The following ME3 variants were observed in gnomAD, a reference collection of about 807,000 sequenced individuals.
The protein encoded by ME3 is NADP-dependent malic enzyme, mitochondrial.
ME3 carries 48 observed loss-of-function variants against 68.9 expected under a neutral mutation model. The ratio of observed to expected loss-of-function variants is 0.70; its 90% CI spans 0.55 to 0.89. The LOEUF (loss-of-function observed/expected upper bound fraction) is 0.89, where lower values mean the gene tolerates loss of function less well. Ranked by LOEUF, ME3 falls within the 40% of genes least tolerant of loss-of-function variation. The pLI, the probability that ME3 is intolerant of heterozygous loss-of-function variation, is 0.00. For missense variants in ME3, 675 were observed against 797.4 expected (o/e 0.85, Z 1.85); for synonymous variants, 320 against 318.8 (o/e 1.00, Z -0.04).
At chr11:86,460,514 G>C (rs536011503) in intron 8 of ME3, among the ~76,000 whole-genome samples, 1 of 152,332 alleles carries the variant, frequency 6.6e-6, no homozygotes, top group Admixed American at 6.5e-5. Flanking sequence ...TGTGAGGCTA[G>C]GCTGGTGTTC....
intron 13 of ME3, among the ~76,000 whole-genome samples, chr11:86,445,887 T>C (rs1949258081): frequency 6.6e-6 from 1 of 151,718 alleles, no homozygotes; most frequent in African/African-American, 2.4e-5. Context: ...AAAGCTGTCC[T>C]AGTGGGGCTT....
At chr11:86,456,434 G>T (rs1949930215) in intron 8 of ME3, among the ~76,000 whole-genome samples, 2 of 152,134 alleles carry the variant, frequency 1.3e-5, no homozygotes, top group Admixed American at 6.5e-5. Context: ...GATGGGGATT[G>T]GAGATCATGG....
At chr11:86,646,085 G>A (rs1203457565) in intron 2 of ME3, among the ~76,000 whole-genome samples, 2 of 152,146 alleles carry the variant, frequency 1.3e-5, no homozygotes, top group East Asian at 1.9e-4. Flanking sequence ...ACAAATCCAC[G>A]AAGATGAGGA....
chr11:86,541,563 C>T (rs1956051796), intron 4 of ME3, among the ~76,000 whole-genome samples: 2 of 152,196 alleles, frequency 1.3e-5, no homozygotes, highest in South Asian at 4.1e-4. Flanking sequence ...CACTACAGTA[C>T]CACAAAGCCA....
chr11:86,656,912 A>C (rs1182444397), intron 2 of ME3, among the ~76,000 whole-genome samples: 2 of 152,134 alleles, frequency 1.3e-5, no homozygotes, highest in Non-Finnish European at 2.9e-5. Flanking sequence ...GTAAAACTAC[A>C]ATGAGGTATC....
intron 2 of ME3, among the ~76,000 whole-genome samples, chr11:86,567,234 A>AAAAGAAAGAAAG (rs1444394794): frequency 1.6e-5 from 1 of 63,530 alleles, no homozygotes; most frequent in Admixed American, 1.5e-4. Flanking sequence ...AGAAAGAAAG[A>AAAAGAAAGAAAG]AAAGAAAGAA....
intron 2 of ME3, among the ~76,000 whole-genome samples, chr11:86,582,775 C>T (rs986826437): frequency 1.3e-5 from 2 of 151,824 alleles, no homozygotes; most frequent in African/African-American, 4.8e-5. Context: ...TAGAAGAAAA[C>T]CCCACGGGAG....
chr11:86,613,349 C>A (rs1942728970), intron 2 of ME3, among the ~76,000 whole-genome samples: 1 of 152,154 alleles, frequency 6.6e-6, no homozygotes, highest in Admixed American at 6.6e-5. Flanking sequence ...TATGACAAAC[C>A]CACAGCCAAT....
At chr11:86,566,610 C>T (rs1957492338) in intron 2 of ME3, among the ~76,000 whole-genome samples, 1 of 151,944 alleles carries the variant, frequency 6.6e-6, no homozygotes, top group Non-Finnish European at 1.5e-5. Flanking sequence ...TTCCTTACAG[C>T]CACATTGTGA....
chr11:86,491,875 G>C (rs1952032854), intron 6 of ME3, among the ~76,000 whole-genome samples: 1 of 152,202 alleles, frequency 6.6e-6, no homozygotes, highest in African/African-American at 2.4e-5. Flanking sequence ...AAAAAATGTT[G>C]AATTGCTTCT....
intron 8 of ME3, among the ~76,000 whole-genome samples, chr11:86,453,522 T>A (rs1026688339): frequency 1.3e-5 from 2 of 152,196 alleles, no homozygotes; most frequent in African/African-American, 4.8e-5. Flanking sequence ...GGGGATAATA[T>A]GCTTCCCCCC....
chr11:86,559,851 C>T (rs1312276477), intron 2 of ME3, 28 bp from the exon 3 acceptor site: 1 of 1,610,092 alleles, frequency 6.2e-7, no homozygotes, highest in Non-Finnish European at 8.5e-7. Context: ...AGAACACCCA[C>T]ACATAAGTGC....
At chr11:86,531,191 T>C (rs1029900649) in intron 4 of ME3, among the ~76,000 whole-genome samples, 6 of 152,148 alleles carry the variant, frequency 3.9e-5, no homozygotes, top group Non-Finnish European at 5.9e-5. Flanking sequence ...GGGTGAAGGA[T>C]ATGAACAGAC....
intron 2 of ME3, among the ~76,000 whole-genome samples, chr11:86,613,990 C>G (rs990114386): frequency 2.6e-5 from 4 of 152,088 alleles, no homozygotes; most frequent in Non-Finnish European, 5.9e-5. Flanking sequence ...CATATGGAAC[C>G]AACAGAGAGC....
intron 7 of ME3, among the ~76,000 whole-genome samples, chr11:86,471,045 C>T (rs903791705): frequency 6.6e-6 from 1 of 151,848 alleles, no homozygotes; most frequent in Non-Finnish European, 1.5e-5. Flanking sequence ...TGGGCCTTTG[C>T]ACGGTCCCCT....
chr11:86,582,553 A>C (rs995121873), intron 2 of ME3, among the ~76,000 whole-genome samples: 3 of 152,208 alleles, frequency 2.0e-5, no homozygotes, highest in African/African-American at 7.2e-5. Flanking sequence ...ATAGAAATTC[A>C]ATTTGGAGCA....
At chr11:86,440,100 G>A (rs1948929336), downstream of ME3, among the ~76,000 whole-genome samples, 1 of 152,200 alleles carries the variant, frequency 6.6e-6, no homozygotes, top group Non-Finnish European at 1.5e-5. Flanking sequence ...CTGTCCTTGA[G>A]AGTTGGTCAT....
intron 2 of ME3, among the ~76,000 whole-genome samples, chr11:86,600,389 C>T (rs1190322984): frequency 6.6e-6 from 1 of 152,176 alleles, no homozygotes; most frequent in African/African-American, 2.4e-5. Flanking sequence ...ATCAATTCAA[C>T]AAGAAGAGCT....
intron 4 of ME3, among the ~76,000 whole-genome samples, chr11:86,510,127 T>C (rs1165677802): frequency 1.3e-5 from 2 of 152,208 alleles, no homozygotes; most frequent in Admixed American, 6.5e-5. Context: ...AAGCATTGCC[T>C]ACACTAACTG....
Sources: gnomAD v4.1 joint callset for allele counts (sites outside exome capture counted in the v4.1 genomes callset) on GRCh38, gnomAD v4.1.1 for gene constraint, MANE v1.5 for transcripts, NCBI Gene and HGNC (gene_info 2026-07-23, HGNC 2026-07-21) for gene names.